Variants in FBXL17 observed in about 807,000 individuals in gnomAD.
FBXL17 encodes F-box and leucine rich repeat protein 17, also known as F-box/LRR-repeat protein 17.
Under a neutral mutation model 66.2 loss-of-function variants are expected in FBXL17, and 22 were observed. That is an observed-to-expected ratio of 0.33 (90% CI 0.24 to 0.47). FBXL17 has a LOEUF of 0.47. Ranked by LOEUF, FBXL17 falls within the 20% of genes least tolerant of loss-of-function variation. The pLI, the probability that FBXL17 is intolerant of heterozygous loss-of-function variation, is 1.00. For synonymous variants in FBXL17, 474 were observed against 400.5 expected, an observed-to-expected ratio of 1.18 and a Z score of -2.19; for missense variants, 878 against 948.2, an observed-to-expected ratio of 0.93 and a Z score of 0.97.
intron 4 of FBXL17, among the ~76,000 whole-genome samples, chr5:108,260,280 A>G (rs1297385415): frequency 6.6e-6 from 1 of 152,118 alleles, no homozygotes; most frequent in Non-Finnish European, 1.5e-5. Context: ...GGTAGTGAAG[A>G]GGCAAGGGGT....
At chr5:108,001,101 C>A (rs555333179) in intron 7 of FBXL17, among the ~76,000 whole-genome samples, 1 of 152,232 alleles carries the variant, frequency 6.6e-6, no homozygotes, top group African/African-American at 2.4e-5. Context: ...CCTCAAAGCC[C>A]TAAATAACCT....
At chr5:107,984,144 G>A (rs911768035) in intron 7 of FBXL17, among the ~76,000 whole-genome samples, 1 of 151,946 alleles carries the variant, frequency 6.6e-6, no homozygotes, top group Non-Finnish European at 1.5e-5. Context: ...TTTATTCTCA[G>A]CTTTTTTCCT....
At chr5:108,345,056 C>T (rs1324247208) in intron 4 of FBXL17, among the ~76,000 whole-genome samples, 5 of 152,018 alleles carry the variant, frequency 3.3e-5, no homozygotes, top group African/African-American at 7.2e-5. Flanking sequence ...CATCTAAGGC[C>T]GGGCACGGTG....
At chr5:108,378,380 T>C (rs989697433) in intron 1 of FBXL17, among the ~76,000 whole-genome samples, 12 of 152,218 alleles carry the variant, frequency 7.9e-5, no homozygotes, top group African/African-American at 2.7e-4. Context: ...AGTAACTTCC[T>C]AGCATAAAAG....
At chr5:108,195,821 G>A (rs1210731439) in intron 5 of FBXL17, among the ~76,000 whole-genome samples, 1 of 152,092 alleles carries the variant, frequency 6.6e-6, no homozygotes, top group African/African-American at 2.4e-5. Flanking sequence ...AATATCTTAT[G>A]GGGCACGAGA....
Position 108,381,571 on chromosome 5 carries a change from C to G in FBXL17, c.121G>C (p.Val41Leu). 2.8e-6 allele frequency: 4 copies of G among 1,443,656 alleles called. No homozygotes were observed. In the South Asian group the frequency reaches 4.2e-5, roughly 15 times the overall value. 89.4% of individuals were successfully genotyped at this position (1,443,656 alleles called of 1,614,324 possible). A position where few individuals can be genotyped will look rare whatever the true frequency, so the allele number is the denominator to read the frequency against. Residue 41 changes from valine to leucine, a missense_variant, in exon 1 of 9, where the codon GTG becomes CTG. Val to Leu is a conservative substitution (Grantham distance 32). Transcript: ENST00000542267. ...LRLPRRTPAK[V>L]PPQPAAPRSR... The stretch of plus-strand genomic sequence containing the variant: ...CGGGGCGCCGCCGGCTGAGGGGGCA[C>G]CTTGGCTGGGGTCCGGCGGGGCAGC...
At chr5:108,226,759 T>C (rs1444525622) in intron 4 of FBXL17, among the ~76,000 whole-genome samples, 1 of 152,138 alleles carries the variant, frequency 6.6e-6, no homozygotes, top group Non-Finnish European at 1.5e-5. Context: ...AAAAAGTCAG[T>C]GTAACGGAGA....
At chr5:107,873,447 A>T (rs1001461896) in intron 8 of FBXL17, among the ~76,000 whole-genome samples, 1 of 152,212 alleles carries the variant, frequency 6.6e-6, no homozygotes, top group Non-Finnish European at 1.5e-5. Context: ...TAAAAATTGG[A>T]GGCAGGAGAG....
intron 8 of FBXL17, among the ~76,000 whole-genome samples, chr5:107,868,685 A>C (rs538138342): frequency 2.1e-4 from 32 of 152,330 alleles, no homozygotes; most frequent in African/African-American, 7.5e-4. Flanking sequence ...GCGAAGCCCA[A>C]GAAGTGCTTT....
Position 108,132,080 on chromosome 5 carries a change from G to A in FBXL17, c.1745+54037C>T, listed in dbSNP as rs566312440. Among the ~76,000 whole-genome samples the A allele has an allele frequency of 2.8e-4, 42 of 151,722 alleles. No individual in the cohort carries two copies. The South Asian group carries it at 7.9e-3, about 29-fold the overall frequency. On this transcript the variant is annotated intron_variant, in intron 6 of 8. Coordinates refer to ENST00000542267, the MANE Select transcript of FBXL17 (RefSeq NM_001163315.3). ...CAACCTCCGCCTCCCAGGTTCAAGC[G>A]ATTCTCCTGCCTCAGCCTCCCTAGT... is the stretch of plus-strand genomic sequence containing the variant.
At chr5:107,981,381 A>T (rs184528882) in intron 7 of FBXL17, among the ~76,000 whole-genome samples, 48 of 152,310 alleles carry the variant, frequency 3.2e-4, no homozygotes, top group African/African-American at 1.1e-3. Context: ...TATGCCTAGG[A>T]GGATGTTTAC....
At chr5:108,091,693 A>G (rs1749193757) in intron 6 of FBXL17, among the ~76,000 whole-genome samples, 1 of 152,152 alleles carries the variant, frequency 6.6e-6, no homozygotes, top group Non-Finnish European at 1.5e-5. Flanking sequence ...CATACCCTCT[A>G]CACTCCACTA....
intron 4 of FBXL17, among the ~76,000 whole-genome samples, chr5:108,338,274 T>C (rs760258319): frequency 1.6e-4 from 25 of 152,134 alleles, no homozygotes; most frequent in Admixed American, 3.9e-4. Flanking sequence ...TATAAATATA[T>C]GCCTTCTTCT....
At chr5:108,012,047 T>G (rs1191751448) in intron 7 of FBXL17, among the ~76,000 whole-genome samples, 2 of 152,342 alleles carry the variant, frequency 1.3e-5, no homozygotes, top group Non-Finnish European at 2.9e-5. Context: ...ACTACTTAAA[T>G]AAAGAAATAA....
At chr5:107,947,937 G>T (rs1751368601) in intron 7 of FBXL17, among the ~76,000 whole-genome samples, 1 of 152,042 alleles carries the variant, frequency 6.6e-6, no homozygotes, top group Non-Finnish European at 1.5e-5. Context: ...CAGAAGATGG[G>T]TTTAGACACA....
chr5:108,148,333 T>G (rs1751640191), intron 6 of FBXL17, among the ~76,000 whole-genome samples: 1 of 152,186 alleles, frequency 6.6e-6, no homozygotes, highest in Non-Finnish European at 1.5e-5. Flanking sequence ...ACTGACACTT[T>G]CCACTGAGAT....
intron 7 of FBXL17, among the ~76,000 whole-genome samples, chr5:107,961,444 A>T (rs1250752006): frequency 6.6e-6 from 1 of 151,712 alleles, no homozygotes; most frequent in African/African-American, 2.4e-5. Context: ...CCCAGGCTGG[A>T]CTCTAACTCC....
At chr5:108,148,858 A>G (rs1751660205) in intron 6 of FBXL17, among the ~76,000 whole-genome samples, 1 of 152,240 alleles carries the variant, frequency 6.6e-6, no homozygotes, top group South Asian at 2.1e-4. Flanking sequence ...TGGAAAAAAC[A>G]AAGAATGCTG....
chr5:107,929,267 A>C (rs1750646451), intron 7 of FBXL17, among the ~76,000 whole-genome samples: 1 of 152,154 alleles, frequency 6.6e-6, no homozygotes, highest in African/African-American at 2.4e-5. Context: ...AGTGCTTTTG[A>C]AAGCCTAAAT....
Sources: allele counts gnomAD v4.1 joint callset (sites outside exome capture counted in the v4.1 genomes callset), GRCh38; gene constraint gnomAD v4.1.1; transcripts MANE v1.5; gene names NCBI Gene and HGNC (gene_info 2026-07-23, HGNC 2026-07-21).